The following ASAP1 variants were observed in gnomAD, a reference collection of about 807,000 sequenced individuals.
ASAP1 encodes ArfGAP with SH3 domain, ankyrin repeat and PH domain 1, also known as arf-GAP with SH3 domain, ANK repeat and PH domain-containing protein 1.
ASAP1 carries 43 observed loss-of-function variants against 145.2 expected under a neutral mutation model. The ratio of observed to expected loss-of-function variants is 0.30; its 90% CI spans 0.23 to 0.38. The LOEUF is 0.38. ASAP1 is among the 10% of genes least tolerant of loss of function. The pLI is 1.00. For missense variants in ASAP1, 1,018 were observed against 1,355.3 expected (o/e 0.75, Z 3.91); for synonymous variants, 546 against 515.5 (o/e 1.06, Z -0.80).
chr8:130,323,699 A>G (rs1565208261), intron 3 of ASAP1, among the ~76,000 whole-genome samples: 1 of 152,194 alleles, frequency 6.6e-6, no homozygotes, highest in Non-Finnish European at 1.5e-5. Flanking sequence ...CATCACTTGC[A>G]AAGAATTTAT....
intron 5 of ASAP1, among the ~76,000 whole-genome samples, chr8:130,210,689 G>A (rs955143011): frequency 6.6e-6 from 1 of 152,102 alleles, no homozygotes; most frequent in African/African-American, 2.4e-5. Context: ...TAATTCGTGG[G>A]GCAGCATCAC....
intron 3 of ASAP1, among the ~76,000 whole-genome samples, chr8:130,262,016 T>G (rs911791236): frequency 1.3e-5 from 2 of 152,066 alleles, no homozygotes; most frequent in African/African-American, 4.8e-5. Context: ...ATACAAACTA[T>G]GAATACTTTT....
At chr8:130,111,327 G>C (rs557484781) in intron 24 of ASAP1, among the ~76,000 whole-genome samples, 2 of 151,322 alleles carry the variant, frequency 1.3e-5, no homozygotes, top group African/African-American at 4.9e-5. Context: ...AGATGGAGGC[G>C]ACTGAGAAAG....
intron 22 of ASAP1, among the ~76,000 whole-genome samples, chr8:130,116,211 G>A (rs1007794547): frequency 5.3e-5 from 8 of 152,216 alleles, no homozygotes; most frequent in Non-Finnish European, 1.2e-4. Context: ...ACACTAATGT[G>A]AAGGCCCTGA....
intron 3 of ASAP1, among the ~76,000 whole-genome samples, chr8:130,237,500 T>TA (rs532133070): frequency 0.021 from 3,123 of 148,692 alleles, 104 homozygotes; most frequent in African/African-American, 0.071. Flanking sequence ...CTTTTAGTGT[T>TA]AAAAAAAAAA....
intron 3 of ASAP1, among the ~76,000 whole-genome samples, chr8:130,326,104 T>C (rs78149066): frequency 0.026 from 3,998 of 152,278 alleles, 64 homozygotes; most frequent in Middle Eastern, 0.044. Context: ...TAGTTCTAAG[T>C]AGTAGAGGGT....
intron 7 of ASAP1, among the ~76,000 whole-genome samples, chr8:130,187,032 C>T (rs1382541294): frequency 6.6e-6 from 1 of 152,190 alleles, no homozygotes; most frequent in African/African-American, 2.4e-5. Context: ...ACAAATAGCA[C>T]AGGACATGCA....
At chr8:130,438,048 G>C (rs1032371989) in intron 1 of ASAP1, among the ~76,000 whole-genome samples, 1 of 152,186 alleles carries the variant, frequency 6.6e-6, no homozygotes, top group Non-Finnish European at 1.5e-5. Context: ...GGGCTGGCAG[G>C]GTGACCCCAG....
intron 8 of ASAP1, among the ~76,000 whole-genome samples, chr8:130,180,048 G>T (rs1814246616): frequency 6.8e-6 from 1 of 147,924 alleles, no homozygotes. Context: ...AAGGAAGGAA[G>T]GGAGGGAGGG....
chr8:130,091,246 T>A (rs1012473650), intron 25 of ASAP1, among the ~76,000 whole-genome samples: 2 of 152,148 alleles, frequency 1.3e-5, no homozygotes, highest in Non-Finnish European at 2.9e-5. Flanking sequence ...GGAGCTTACA[T>A]TTTAGTGGGG....
intron 3 of ASAP1, among the ~76,000 whole-genome samples, chr8:130,336,363 T>G (rs755406850): frequency 6.6e-6 from 1 of 152,190 alleles, no homozygotes; most frequent in Non-Finnish European, 1.5e-5. Flanking sequence ...CACCTGAGAA[T>G]TGAAAAGAAA....
chr8:130,205,918 A>C (rs566375818), intron 5 of ASAP1, among the ~76,000 whole-genome samples: 1 of 152,176 alleles, frequency 6.6e-6, no homozygotes, highest in Non-Finnish European at 1.5e-5. Context: ...ATACCTGCAG[A>C]TATCTATGCA....
chr8:130,437,104 CAAAAAAA>C (rs56207589), intron 1 of ASAP1, among the ~76,000 whole-genome samples: 2 of 89,394 alleles, frequency 2.2e-5, no homozygotes, highest in African/African-American at 7.0e-5. Context: ...GATTTCATCT[CAAAAAAA>C]AAAAAAAAAA....
At chr8:130,439,954 G>A (rs1830437106) in intron 1 of ASAP1, among the ~76,000 whole-genome samples, 1 of 152,148 alleles carries the variant, frequency 6.6e-6, no homozygotes, top group Admixed American at 6.5e-5. Flanking sequence ...TTCTCCATGA[G>A]CATAATCCTC....
chr8:130,403,043 C>T (rs944552651), intron 1 of ASAP1, among the ~76,000 whole-genome samples: 2 of 152,080 alleles, frequency 1.3e-5, no homozygotes, highest in Non-Finnish European at 2.9e-5. Flanking sequence ...TCATACCCAC[C>T]ACATCCAAAC....
intron 25 of ASAP1, among the ~76,000 whole-genome samples, chr8:130,085,757 G>GAAAAAAAA (rs2097491566): frequency 1.8e-5 from 2 of 112,568 alleles, no homozygotes; most frequent in Non-Finnish European, 2.0e-5. Context: ...AAAAAAAAAG[G>GAAAAAAAA]AAAGAGGTTC....
chr8:130,303,279 A>G (rs187395271), intron 3 of ASAP1, among the ~76,000 whole-genome samples: 11 of 152,346 alleles, frequency 7.2e-5, no homozygotes, highest in South Asian at 2.1e-4. Context: ...CAGCAAAACT[A>G]TAAGTGTATG....
Position 130,405,740 on chromosome 8 carries a change from C to G in ASAP1, c.-27-3770G>C, listed in dbSNP as rs78443800. Among the ~76,000 whole-genome samples the G allele has an allele frequency of 1.5e-3, 234 of 152,314 alleles. 3 individuals are homozygous for G. In the East Asian group the frequency reaches 0.036, roughly 23 times the overall value. On this transcript the variant is annotated intron_variant, in intron 1 of 29. Coordinates refer to ENST00000518721, the MANE Select transcript of ASAP1 (RefSeq NM_018482.4). ...CTGCTGCCTTGACTCTGAACTAATT[C>G]GAAGTAGGTTAGCAGCTACGTCTAT...
At chr8:130,188,296 T>C in intron 5 of ASAP1, 113 bp from the exon 6 acceptor site, 1 of 773,908 alleles carries the variant, frequency 1.3e-6, no homozygotes, top group Non-Finnish European at 2.2e-6. Context: ...GTTGAAGGGC[T>C]TTCCATGCAT....
Sources: allele counts gnomAD v4.1 joint callset (sites outside exome capture counted in the v4.1 genomes callset), GRCh38; gene constraint gnomAD v4.1.1; transcripts MANE v1.5; gene names NCBI Gene and HGNC (gene_info 2026-07-23, HGNC 2026-07-21).